Variants in HAT1 observed in about 807,000 individuals in gnomAD.
The protein encoded by HAT1 is histone acetyltransferase type B catalytic subunit.
Under a neutral mutation model 56.6 loss-of-function variants are expected in HAT1, and 20 were observed. The ratio of observed to expected loss-of-function variants is 0.35; its 90% confidence interval spans 0.25 to 0.51. The LOEUF (loss-of-function observed/expected upper bound fraction) is 0.51, where lower values mean the gene tolerates loss of function less well. HAT1 is among the 20% of genes least tolerant of loss of function. The probability of loss-of-function intolerance (pLI) is 0.95; values close to 1 mark genes in which losing one functional copy is unlikely to be tolerated. For synonymous variants in HAT1, 146 were observed against 165.5 expected (o/e 0.88, Z 0.91); for missense variants, 408 against 504.3 (o/e 0.81, Z 1.83).
At chr2:171,945,491 A>T (rs1212439705) in intron 2 of HAT1, among the ~76,000 whole-genome samples, 1 of 135,882 alleles carries the variant, frequency 7.4e-6, no homozygotes, top group Non-Finnish European at 1.6e-5. Context: ...CTAGCTAGCT[A>T]TCTATAATTT....
intron 3 of HAT1, among the ~76,000 whole-genome samples, chr2:171,952,538 T>C (rs1222810969): frequency 6.6e-6 from 1 of 152,220 alleles, no homozygotes; most frequent in African/African-American, 2.4e-5. Flanking sequence ...ACTTCTCTCA[T>C]TTGAAATGCC....
Position 171,966,466 on chromosome 2 carries a change from A to G in HAT1, c.669A>G (p.Thr223=). The G allele has an allele frequency of 6.2e-7, 1 of 1,601,506 alleles. No homozygotes were observed. Among genetic ancestry groups the G allele is most frequent in the Non-Finnish European group, 8.6e-7 (1 of 1,168,446 alleles). The change falls in exon 7 of 11, where the codon ACA becomes ACG. Residue 223 remains threonine, a synonymous_variant. Transcript: ENST00000264108. The part of the protein sequence containing the change: ...ATLFATVGYM[T]VYNYYVYPDK... ...TCTTTGCGACCGTAGGCTACATGAC[A>G]GTCTATAATTACTATGTGTACCCAG...
chr2:171,938,024 TTCTCTCTC>T (rs374402453), intron 2 of HAT1, among the ~76,000 whole-genome samples: 5,811 of 104,774 alleles, frequency 0.055, 168 homozygotes, highest in African/African-American at 0.07. Flanking sequence ...TGTCTACTGA[TTCTCTCTC>T]TCTCTCTCTC....
At chr2:171,952,781 C>G (rs553366160) in intron 3 of HAT1, 100 bp from the exon 4 acceptor site, 20 of 603,942 alleles carry the variant, frequency 3.3e-5, no homozygotes, top group Non-Finnish European at 4.3e-5. Context: ...AGTTTAAAAT[C>G]TTGAAACTAC....
At chr2:171,970,496 CTTTTTTTTTTTTTTTTTTTTTTTTTTTT>C (rs61462189) in intron 8 of HAT1, among the ~76,000 whole-genome samples, 5 of 74,988 alleles carry the variant, frequency 6.7e-5, no homozygotes, top group African/African-American at 2.7e-4. Context: ...AATGCAGTTT[CTTTTTTTTTTTTTTTTTTTTTTTTTTTT>C]TTTTTTTTTT....
chr2:171,959,391 TATTG>T (rs2105330593), intron 4 of HAT1, among the ~76,000 whole-genome samples: 1 of 152,366 alleles, frequency 6.6e-6, no homozygotes, highest in African/African-American at 2.4e-5. Flanking sequence ...CCAAAGGAAC[TATTG>T]ATTTAGTTAT....
At chr2:171,962,144 C>T (rs1379392786) in intron 4 of HAT1, among the ~76,000 whole-genome samples, 2 of 152,002 alleles carry the variant, frequency 1.3e-5, no homozygotes, top group South Asian at 2.1e-4. Context: ...TCAGGCATAT[C>T]GCTTTATTCA....
At chr2:171,961,066 C>T (rs976511898) in intron 4 of HAT1, among the ~76,000 whole-genome samples, 16 of 152,000 alleles carry the variant, frequency 1.1e-4, no homozygotes, top group Admixed American at 2.0e-4. Flanking sequence ...CACTTGAACT[C>T]GGGAAGTGGA....
intron 9 of HAT1, among the ~76,000 whole-genome samples, chr2:171,978,195 G>A (rs1688037061): frequency 6.6e-6 from 1 of 151,724 alleles, no homozygotes; most frequent in Non-Finnish European, 1.5e-5. Context: ...CTCCCAAGTA[G>A]CTGGGACTGC....
chr2:171,946,640 G>A (rs2105319443), intron 2 of HAT1, 68 bp from the exon 3 acceptor site: 1 of 889,162 alleles, frequency 1.1e-6, no homozygotes, highest in East Asian at 2.5e-5. Flanking sequence ...TCATGAAATA[G>A]GAATACCTGT....
intron 4 of HAT1, among the ~76,000 whole-genome samples, chr2:171,956,188 A>T (rs1190530077): frequency 6.6e-6 from 1 of 150,560 alleles, no homozygotes; most frequent in East Asian, 1.9e-4. Context: ...TAAAAAAAAA[A>T]AAAAAAAAAA....
chr2:171,929,708 A>C (rs1331264417), intron 2 of HAT1, among the ~76,000 whole-genome samples: 1 of 152,206 alleles, frequency 6.6e-6, no homozygotes, highest in Non-Finnish European at 1.5e-5. Context: ...TTTCAGTATA[A>C]TTTGTGTGAA....
chr2:171,944,711 T>TG (rs1687113952), intron 2 of HAT1, among the ~76,000 whole-genome samples: 1 of 152,220 alleles, frequency 6.6e-6, no homozygotes, highest in Non-Finnish European at 1.5e-5. Context: ...CCACAATGAA[T>TG]GATGCTAAGT....
intron 2 of HAT1, among the ~76,000 whole-genome samples, chr2:171,936,978 A>G (rs1362612735): frequency 1.3e-5 from 2 of 152,172 alleles, no homozygotes; most frequent in Non-Finnish European, 2.9e-5. Context: ...TATTTGAGAT[A>G]GGGTCTGGCT....
At chr2:171,948,905 C>T (rs1687235635) in intron 3 of HAT1, among the ~76,000 whole-genome samples, 1 of 152,080 alleles carries the variant, frequency 6.6e-6, no homozygotes, top group African/African-American at 2.4e-5. Context: ...ACTTGGGTCA[C>T]TTGGTTTAGA....
intron 8 of HAT1, among the ~76,000 whole-genome samples, chr2:171,972,778 C>G (rs1437205476): frequency 6.6e-6 from 1 of 152,230 alleles, no homozygotes; most frequent in African/African-American, 2.4e-5. Flanking sequence ...ACTTTCCTGA[C>G]AAACATGAAT....
intron 2 of HAT1, among the ~76,000 whole-genome samples, chr2:171,930,081 G>T (rs947883656): frequency 2.0e-5 from 3 of 152,076 alleles, no homozygotes; most frequent in Non-Finnish European, 4.4e-5. Context: ...AATGTTTCAG[G>T]TTTTCAGTCT....
chr2:171,949,399 C>T (rs1236421311), intron 3 of HAT1, among the ~76,000 whole-genome samples: 5 of 151,744 alleles, frequency 3.3e-5, no homozygotes, highest in African/African-American at 7.3e-5. Flanking sequence ...ATTTTTTGGC[C>T]GGGTGCAGTG....
intron 8 of HAT1, among the ~76,000 whole-genome samples, 172 bp downstream of exon 8, chr2:171,967,121 T>C (rs1687701805): frequency 6.6e-6 from 1 of 152,184 alleles, no homozygotes. Context: ...TTTGTGGGGA[T>C]TGGATTACAT....
Sources: allele counts gnomAD v4.1 joint callset (sites outside exome capture counted in the v4.1 genomes callset), GRCh38; gene constraint gnomAD v4.1.1; transcripts MANE v1.5; gene names NCBI Gene and HGNC (gene_info 2026-07-23, HGNC 2026-07-21).